The following LINGO2 variants were observed in gnomAD, a reference collection of about 807,000 sequenced individuals.
The protein encoded by LINGO2 is leucine rich repeat and Ig domain containing 2.
A neutral mutation model predicts 30.6 loss-of-function variants in LINGO2; 14 were observed. The observed-to-expected ratio is 0.46, with a 90% CI of 0.30 to 0.72. The LOEUF (loss-of-function observed/expected upper bound fraction) is 0.72, where lower values mean the gene tolerates loss of function less well. LINGO2 is among the 30% of genes least tolerant of loss of function. LINGO2 has a pLI of 0.07. For synonymous variants in LINGO2, 317 were observed against 288.5 expected (o/e 1.10, Z -1.00); for missense variants, 729 against 751.7 (o/e 0.97, Z 0.35).
At chr9:28,979,478 T>A in the LINGO2 span, among the ~76,000 whole-genome samples, 70 of 147,446 alleles carry the variant, frequency 4.7e-4, no homozygotes, top group African/African-American at 1.7e-3. Flanking sequence ...TATAGGAATA[T>A]ATGTTTTGTA....
intron 1 of LINGO2, among the ~76,000 whole-genome samples, chr9:28,520,000 A>C (rs529226028): frequency 5.3e-5 from 8 of 152,202 alleles, no homozygotes; most frequent in Non-Finnish European, 1.2e-4. Context: ...TGATGCTATT[A>C]ATTTCATATT....
the LINGO2 span, among the ~76,000 whole-genome samples, chr9:28,832,233 A>C: frequency 6.6e-6 from 1 of 152,088 alleles, no homozygotes; most frequent in African/African-American, 2.4e-5. Context: ...TCTTATTACC[A>C]TTTCCTTTCA....
the LINGO2 span, among the ~76,000 whole-genome samples, chr9:29,134,048 C>T: frequency 6.6e-6 from 1 of 152,120 alleles, no homozygotes; most frequent in Non-Finnish European, 1.5e-5. Flanking sequence ...CCATGCAGGA[C>T]ATAAAATAGG....
intron 2 of LINGO2, among the ~76,000 whole-genome samples, chr9:28,474,173 C>T (rs893569623): frequency 6.6e-6 from 1 of 152,116 alleles, no homozygotes; most frequent in African/African-American, 2.4e-5. Flanking sequence ...TTACTTTGCA[C>T]CAAAAGTGCT....
At chr9:29,026,153 T>C in the LINGO2 span, among the ~76,000 whole-genome samples, 1 of 151,938 alleles carries the variant, frequency 6.6e-6, no homozygotes, top group Non-Finnish European at 1.5e-5. Flanking sequence ...CCACCTCAGA[T>C]TCCTAAGTAA....
the LINGO2 span, among the ~76,000 whole-genome samples, chr9:29,140,624 C>A: frequency 6.6e-6 from 1 of 151,512 alleles, no homozygotes; most frequent in African/African-American, 2.4e-5. Flanking sequence ...TAAAAATGGG[C>A]AAAATTTCCC....
At chr9:28,385,569 G>T (rs994881715) in intron 2 of LINGO2, among the ~76,000 whole-genome samples, 8 of 152,036 alleles carry the variant, frequency 5.3e-5, no homozygotes, top group African/African-American at 1.4e-4. Flanking sequence ...CTGGAAAGAA[G>T]GTATATGCAG....
At chr9:28,779,084 G>C in the LINGO2 span, among the ~76,000 whole-genome samples, 6 of 152,066 alleles carry the variant, frequency 3.9e-5, no homozygotes, top group African/African-American at 1.4e-4. Flanking sequence ...ACTTACAAAT[G>C]GCTGCCAGTG....
the LINGO2 span, among the ~76,000 whole-genome samples, chr9:29,074,928 G>A: frequency 6.6e-6 from 1 of 151,418 alleles, no homozygotes; most frequent in African/African-American, 2.4e-5. Flanking sequence ...CGCCCGCCTC[G>A]GCCTCCCAAA....
chr9:28,540,614 AC>A (rs1821648195), intron 1 of LINGO2, among the ~76,000 whole-genome samples: 1 of 152,132 alleles, frequency 6.6e-6, no homozygotes, highest in African/African-American at 2.4e-5. Flanking sequence ...AAGAAATAAT[AC>A]CATCACTATT....
Position 28,148,633 on chromosome 9 carries a change from G to A in LINGO2, c.-86-136228C>T, listed in dbSNP as rs1391120814. ...AGGGAAATGTCCACCTCAAGAGCTT[G>A]ACAGAAAACAACCAGACTGACAAGG... On this transcript the variant is annotated intron_variant, in intron 4 of 5. Transcript: ENST00000379992. This position sits in a 1 kb window ranked among gnomAD's most constrained non-coding sequence, Gnocchi z 5.1. 1 of 1,529,508 alleles carries A rather than the reference G, an allele frequency of 6.5e-7. No homozygotes were observed. Among genetic ancestry groups the A allele is most frequent in the Non-Finnish European group, 8.8e-7 (1 of 1,142,300 alleles). The allele number at this position is 1,529,508 out of a possible 1,614,324, so 94.7% of individuals were successfully genotyped here. A position where few individuals can be genotyped will look rare whatever the true frequency, so the allele number is the denominator to read the frequency against.
the LINGO2 span, among the ~76,000 whole-genome samples, chr9:28,681,068 T>G: frequency 6.6e-6 from 1 of 152,106 alleles, no homozygotes; most frequent in Admixed American, 6.6e-5. Flanking sequence ...AGTTTTGAAG[T>G]TTCACGTCTT....
chr9:28,350,857 G>A (rs1435631887), intron 3 of LINGO2, among the ~76,000 whole-genome samples: 14 of 151,614 alleles, frequency 9.2e-5, no homozygotes, highest in African/African-American at 1.7e-4. Context: ...ACTCAAAACC[G>A]CTCAAATACA....
intron 4 of LINGO2, among the ~76,000 whole-genome samples, chr9:28,062,478 A>C (rs552426733): frequency 6.8e-6 from 1 of 146,876 alleles, no homozygotes; most frequent in South Asian, 2.1e-4. Flanking sequence ...TTGTATATAT[A>C]CTATATATAC....
chr9:28,779,319 G>T, the LINGO2 span, among the ~76,000 whole-genome samples: 4 of 151,970 alleles, frequency 2.6e-5, no homozygotes, highest in Non-Finnish European at 5.9e-5. Context: ...TAGGTATTTG[G>T]GGACTGTTTC....
intron 3 of LINGO2, among the ~76,000 whole-genome samples, chr9:28,331,831 G>C (rs1202910696): frequency 6.6e-6 from 1 of 152,104 alleles, no homozygotes; most frequent in African/African-American, 2.4e-5. Context: ...ATCACATAAA[G>C]GAAAAAGAAA....
chr9:29,117,245 C>A, the LINGO2 span, among the ~76,000 whole-genome samples: 1 of 152,072 alleles, frequency 6.6e-6, no homozygotes, highest in Non-Finnish European at 1.5e-5. Context: ...AGGGAAAAAC[C>A]TAGTCAGATA....
chr9:28,817,090 A>G, the LINGO2 span, among the ~76,000 whole-genome samples: 1 of 152,312 alleles, frequency 6.6e-6, no homozygotes, highest in Middle Eastern at 3.4e-3. Context: ...AGAATTTAAC[A>G]GGTCCATAAG....
chr9:28,264,077 G>A (rs986702735), intron 4 of LINGO2, among the ~76,000 whole-genome samples: 2 of 151,298 alleles, frequency 1.3e-5, no homozygotes, highest in African/African-American at 2.4e-5. Context: ...AAAAAAAGAC[G>A]AAAAAATCTG....
Sources: gnomAD v4.1 joint callset for allele counts (sites outside exome capture counted in the v4.1 genomes callset) on GRCh38, gnomAD v4.1.1 for gene constraint, Gnocchi (gnomAD v3.1) non-coding constraint, MANE v1.5 for transcripts, NCBI Gene and HGNC (gene_info 2026-07-23, HGNC 2026-07-21) for gene names.